The following FAM13A variants were observed in gnomAD, a reference collection of about 807,000 sequenced individuals.
The protein encoded by FAM13A is family with sequence similarity 13 member A.
In FAM13A, 76 loss-of-function variants were observed where a neutral mutation model predicts 129.6. That is an observed-to-expected ratio of 0.59 (90% confidence interval 0.49 to 0.71). The LOEUF (loss-of-function observed/expected upper bound fraction) is 0.71. Among genes scored for constraint, FAM13A ranks in the 30% least tolerant of loss-of-function variants. The pLI is 0.00. For missense variants in FAM13A, 1,108 were observed against 1,249.3 expected (o/e 0.89, Z 1.70); for synonymous variants, 443 against 449.9 (o/e 0.98, Z 0.20).
At chr4:88,880,700 G>A (rs1249928372) in intron 6 of FAM13A, among the ~76,000 whole-genome samples, 1 of 151,146 alleles carries the variant, frequency 6.6e-6, no homozygotes, top group African/African-American at 2.4e-5. Flanking sequence ...CCGGGAGGCT[G>A]GCAGCCTGGG....
At chr4:88,738,956 G>T in intron 20 of FAM13A, 74 bp downstream of exon 20, 1 of 918,728 alleles carries the variant, frequency 1.1e-6, no homozygotes, top group Non-Finnish European at 1.8e-6. Context: ...AGCAGGTTAG[G>T]GCCCTATTCA....
At position 88,749,891 on chromosome 4, in the gene FAM13A, C is replaced by G; in HGVS notation, c.1959G>C (p.Leu653=). The G allele has an allele frequency of 6.2e-7, 1 of 1,613,884 alleles. No homozygotes were observed. Among genetic ancestry groups the G allele is most frequent in the Non-Finnish European group, 8.5e-7 (1 of 1,180,008 alleles). The stretch of plus-strand genomic sequence containing the variant: ...CCTCTTGCTCATCATCATAGGACCC[C>G]AGAGAGGAGCTTCGCCGCCTGTGAA... The part of the protein sequence containing the change: ...HSFMRRRSSS[L]GSYDDEQEDL... Residue 653 remains leucine (L), a synonymous_variant, in exon 16 of 24, where the codon CTG becomes CTC. Coordinates refer to ENST00000264344, the MANE Select transcript of FAM13A (RefSeq NM_014883.4).
intron 4 of FAM13A, among the ~76,000 whole-genome samples, chr4:88,968,328 T>C (rs1017138928): frequency 1.3e-4 from 20 of 152,214 alleles, no homozygotes; most frequent in African/African-American, 4.6e-4. Flanking sequence ...GCAACACTTA[T>C]GTTCTAAACA....
chr4:88,942,137 A>G (rs1422254828), intron 4 of FAM13A, among the ~76,000 whole-genome samples: 1 of 152,206 alleles, frequency 6.6e-6, no homozygotes, highest in Non-Finnish European at 1.5e-5. Flanking sequence ...ATCTTACTAA[A>G]GATAATTCAG....
At chr4:88,831,847 TC>T (rs1043810867) in intron 7 of FAM13A, among the ~76,000 whole-genome samples, 6 of 152,088 alleles carry the variant, frequency 3.9e-5, no homozygotes, top group African/African-American at 1.4e-4. Flanking sequence ...TCAATACTAT[TC>T]TCATTAAACT....
chr4:88,750,858 A>C (rs531922084), intron 14 of FAM13A, among the ~76,000 whole-genome samples: 1 of 152,146 alleles, frequency 6.6e-6, no homozygotes, highest in African/African-American at 2.4e-5. Flanking sequence ...TTCCATTCTC[A>C]CTGGCTTTCC....
At position 88,787,798 on chromosome 4, in the gene FAM13A, C is replaced by T. The variant is rs370204602; in HGVS notation, c.1226G>A (p.Arg409His). The T allele has an allele frequency of 2.2e-5, 35 of 1,613,478 alleles. No individual in the cohort carries two copies. The East Asian group carries it at 2.2e-4, about 10-fold the overall frequency. The change falls in exon 10 of 24, where the codon CGC (arginine) becomes CAC (histidine). Residue 409 changes from arginine (R) to histidine (H), a missense_variant. Transcript: ENST00000264344. ...ASSATSARQR[R>H]RQSKEQDEVR... The stretch of plus-strand genomic sequence containing the variant: ...TTCATCCTGCTCCTTGGACTGGCGG[C>T]GGCGCTGTCTGGCAGATGTGGCAGA...
intron 6 of FAM13A, among the ~76,000 whole-genome samples, chr4:88,876,455 C>A (rs905795539): frequency 6.6e-6 from 1 of 152,052 alleles, no homozygotes; most frequent in African/African-American, 2.4e-5. Context: ...AGCAACTCTG[C>A]CCAATATCAG....
intron 4 of FAM13A, among the ~76,000 whole-genome samples, chr4:88,987,353 G>C (rs1367298654): frequency 6.6e-6 from 1 of 152,178 alleles, no homozygotes; most frequent in South Asian, 2.1e-4. Flanking sequence ...ATACACATTT[G>C]CATGATGCCC....
chr4:89,043,710 C>A (rs1205350045), intron 1 of FAM13A, among the ~76,000 whole-genome samples: 1 of 152,036 alleles, frequency 6.6e-6, no homozygotes, highest in African/African-American at 2.4e-5. Flanking sequence ...AAGGATGTGA[C>A]AATAGAAGCA....
chr4:88,758,269 T>C (rs958505326), intron 14 of FAM13A, among the ~76,000 whole-genome samples: 4 of 152,048 alleles, frequency 2.6e-5, no homozygotes, highest in African/African-American at 7.2e-5. Context: ...ATCCCTTAAA[T>C]TTGTTAACCT....
intron 4 of FAM13A, among the ~76,000 whole-genome samples, chr4:88,959,161 T>C (rs943910800): frequency 5.3e-5 from 8 of 152,196 alleles, no homozygotes; most frequent in Admixed American, 2.6e-4. Flanking sequence ...ATTTTGGACT[T>C]TTGAGTTAAT....
At position 88,762,873 on chromosome 4, in the gene FAM13A, T is replaced by C. The variant is rs577482025; in HGVS notation, c.1579-3972A>G. Among the ~76,000 whole-genome samples, 13 of 152,328 alleles carry C rather than the reference T, an allele frequency of 8.5e-5. No homozygotes were observed. In the South Asian group the frequency reaches 2.7e-3, roughly 32 times the overall value. ...TGTTGTTTACATGTCTAATATCTTC[T>C]GTTAAATCACAAAGTAAATTAATTT... On this transcript the variant is annotated intron_variant, in intron 13 of 23. Transcript: ENST00000264344.
At chr4:89,047,745 C>T (rs1771053906) in intron 1 of FAM13A, among the ~76,000 whole-genome samples, 1 of 152,052 alleles carries the variant, frequency 6.6e-6, no homozygotes, top group Non-Finnish European at 1.5e-5. Flanking sequence ...AACCCCACAC[C>T]CAGTGGATCA....
chr4:88,842,170 T>C (rs964975868), intron 7 of FAM13A, among the ~76,000 whole-genome samples: 40 of 152,220 alleles, frequency 2.6e-4, no homozygotes, highest in African/African-American at 9.4e-4. Flanking sequence ...GAACACATAC[T>C]ATGTGATTCT....
rs1291933952 is a variant in FAM13A, at chr4:88,737,213, AAAC to A, written c.2646+256_2646+258del. Among the ~76,000 whole-genome samples, 9 of 152,370 alleles carry A rather than the reference AAAC, an allele frequency of 5.9e-5. No homozygotes were observed. The South Asian group carries it at 6.2e-4, about 11-fold the overall frequency. ...AATCCCTGAAAGCGAAGTAAAAACA[AAAC>A]AACAACAGACAATACAAAAAAGAGG... On this transcript the variant is annotated intron_variant, in intron 21 of 23. Coordinates refer to ENST00000264344, the MANE Select transcript of FAM13A (RefSeq NM_014883.4).
intron 6 of FAM13A, among the ~76,000 whole-genome samples, chr4:88,901,203 A>G (rs1325868135): frequency 6.6e-6 from 1 of 152,144 alleles, no homozygotes; most frequent in African/African-American, 2.4e-5. Context: ...TAGGAGCTTT[A>G]ACACTCCACT....
In FAM13A at chr4:88,961,345, G is replaced by T. The variant is rs1409827487; in HGVS notation, c.606-23104C>A. Reference sequence around the variant, plus strand: ...ACAAATCCTCAGCTTTGTGGAATTTGCCTTTTTTTTTTTTTTTTTTTTTTT... The same window carrying T: ...ACAAATCCTCAGCTTTGTGGAATTTTCCTTTTTTTTTTTTTTTTTTTTTTT... On this transcript the variant is annotated intron_variant, in intron 4 of 23. Coordinates refer to ENST00000264344, the MANE Select transcript of FAM13A (RefSeq NM_014883.4). Among the ~76,000 whole-genome samples, 33 of 79,512 alleles carry T rather than the reference G, an allele frequency of 4.2e-4. 1 individual carries two copies. The East Asian group carries it at 8.3e-3, about 20-fold the overall frequency. 52.2% of individuals were successfully genotyped at this position (79,512 alleles called of 152,430 possible).
At chr4:88,991,921 T>TA (rs1385235970) in intron 3 of FAM13A, among the ~76,000 whole-genome samples, 1 of 152,162 alleles carries the variant, frequency 6.6e-6, no homozygotes, top group Non-Finnish European at 1.5e-5. Context: ...TCCTATCTGA[T>TA]AACCCTCCAT....
Sources: gnomAD v4.1 joint callset for allele counts (sites outside exome capture counted in the v4.1 genomes callset) on GRCh38, gnomAD v4.1.1 for gene constraint, MANE v1.5 for transcripts, NCBI Gene and HGNC (gene_info 2026-07-23, HGNC 2026-07-21) for gene names.